CEP128: variants seen among roughly 807,000 people sequenced by gnomAD.
The protein encoded by CEP128 is centrosomal protein 128.
In CEP128, 132 loss-of-function variants were observed where a neutral mutation model predicts 156.7. The observed-to-expected ratio is 0.84, with a 90% CI of 0.73 to 0.97. The LOEUF (loss-of-function observed/expected upper bound fraction) is 0.97. CEP128 is among the 50% of genes least tolerant of loss of function. CEP128 has a pLI of 0.00. For missense variants in CEP128, 1,252 were observed against 1,281.9 expected, an observed-to-expected ratio of 0.98 and a Z score of 0.36; for synonymous variants, 469 against 448.9, an observed-to-expected ratio of 1.04 and a Z score of -0.57.
At chr14:80,507,569 T>C (rs909944154) in intron 23 of CEP128, among the ~76,000 whole-genome samples, 1 of 152,182 alleles carries the variant, frequency 6.6e-6, no homozygotes, top group Admixed American at 6.5e-5. Flanking sequence ...ATATAAATCA[T>C]GGTTTTGAAA....
intron 2 of CEP128, among the ~76,000 whole-genome samples, chr14:80,923,494 G>C (rs1447121026): frequency 6.6e-6 from 1 of 152,190 alleles, no homozygotes; most frequent in Non-Finnish European, 1.5e-5. Flanking sequence ...CTCTGAGCCA[G>C]TTTAAAACAA....
chr14:80,841,427 T>G (rs1352712608), intron 9 of CEP128, among the ~76,000 whole-genome samples: 1 of 152,018 alleles, frequency 6.6e-6, no homozygotes, highest in East Asian at 1.9e-4. Context: ...CAATTTCAGC[T>G]CCCTCTGCCA....
At chr14:80,840,576 A>G in intron 10 of CEP128, 106 bp downstream of exon 10, 3 of 665,982 alleles carry the variant, frequency 4.5e-6, no homozygotes, top group Non-Finnish European at 7.9e-6. Flanking sequence ...AAGATAAAGA[A>G]CTCACAATGT....
intron 6 of CEP128, 37 bp from the exon 7 acceptor site, chr14:80,900,066 C>T (rs764218238): frequency 2.3e-6 from 3 of 1,329,670 alleles, no homozygotes; most frequent in East Asian, 4.6e-5. Flanking sequence ...ATTTAGAATT[C>T]TGTTGAATTC....
chr14:80,919,863 A>G (rs1884759575), intron 2 of CEP128, among the ~76,000 whole-genome samples: 1 of 152,188 alleles, frequency 6.6e-6, no homozygotes, highest in Non-Finnish European at 1.5e-5. Context: ...CTTCAGCTAT[A>G]AAGTTAAGTT....
chr14:80,495,407 A>G (rs1887459060), downstream of CEP128, among the ~76,000 whole-genome samples: 2 of 152,202 alleles, frequency 1.3e-5, no homozygotes, highest in South Asian at 4.1e-4. Flanking sequence ...GAATTTTGAC[A>G]AAATTGTTGT....
chr14:80,838,113 T>TC, intron 11 of CEP128, 91 bp downstream of exon 11: 3 of 882,362 alleles, frequency 3.4e-6, no homozygotes, highest in Non-Finnish European at 5.4e-6. Context: ...TAGACCTAGT[T>TC]CTTTTTTTTC....
intron 4 of CEP128, among the ~76,000 whole-genome samples, chr14:80,908,122 T>A (rs1040315039): frequency 1.3e-5 from 2 of 152,244 alleles, no homozygotes; most frequent in African/African-American, 2.4e-5. Flanking sequence ...ATTTTCTCTT[T>A]ACTTTTGTCA....
intron 2 of CEP128, among the ~76,000 whole-genome samples, chr14:80,932,780 A>G (rs1006030153): frequency 6.6e-6 from 1 of 152,140 alleles, no homozygotes; most frequent in Admixed American, 6.5e-5. Flanking sequence ...GAATCATCCC[A>G]AAACCATCCT....
chr14:80,902,928 A>C (rs1595568636), intron 6 of CEP128, among the ~76,000 whole-genome samples: 1 of 152,292 alleles, frequency 6.6e-6, no homozygotes, highest in Non-Finnish European at 1.5e-5. Flanking sequence ...GCAATATATA[A>C]TCCTCCATAA....
intron 19 of CEP128, among the ~76,000 whole-genome samples, chr14:80,686,435 A>G (rs1215583575): frequency 6.6e-6 from 1 of 152,146 alleles, no homozygotes; most frequent in Admixed American, 6.6e-5. Flanking sequence ...AGCACTAAAT[A>G]TGGAAAGGAA....
intron 19 of CEP128, among the ~76,000 whole-genome samples, chr14:80,719,057 G>C (rs1396423255): frequency 6.6e-6 from 1 of 152,136 alleles, no homozygotes; most frequent in Non-Finnish European, 1.5e-5. Context: ...CCGGCAGATG[G>C]CAATGAAAGT....
rs757449096 is a variant in CEP128 at position 80,914,366 on chromosome 14, G to T, written c.190C>A (p.Arg64=). 2 of 1,613,840 alleles carry T rather than the reference G, an allele frequency of 1.2e-6. No homozygotes were observed. Among genetic ancestry groups the T allele is most frequent in the Non-Finnish European group, 1.7e-6 (2 of 1,179,836 alleles). ...TGTCCATTACTGTATTCTCGGTATC[G>T]TCCAAGCATCTGGTCCACTTGTCGC... ...NLRQVDQMLG[R]YREYSNGQAG... The change falls in exon 4 of 25, where the codon CGA becomes AGA. Residue 64 remains arginine, a synonymous_variant. Transcript: ENST00000555265.
At chr14:80,492,334 T>C (rs1228806361), downstream of CEP128, among the ~76,000 whole-genome samples, 1 of 152,186 alleles carries the variant, frequency 6.6e-6, no homozygotes. Flanking sequence ...ACCTGGTTAA[T>C]AGACCAGGTC....
chr14:80,596,842 A>AAGGGG (rs1555379468), intron 19 of CEP128, among the ~76,000 whole-genome samples: 1 of 69,832 alleles, frequency 1.4e-5, no homozygotes, highest in Non-Finnish European at 2.9e-5. Context: ...AAAAAAAAAA[A>AAGGGG]GGTGGGGGGG....
chr14:80,637,383 C>T (rs1224656481), intron 19 of CEP128, among the ~76,000 whole-genome samples: 2 of 151,904 alleles, frequency 1.3e-5, no homozygotes, highest in Non-Finnish European at 2.9e-5. Context: ...AGCAGAAGAG[C>T]CAGAGAAGGA....
At chr14:80,951,439 C>A (rs1886462589) in intron 2 of CEP128, among the ~76,000 whole-genome samples, 1 of 152,034 alleles carries the variant, frequency 6.6e-6, no homozygotes, top group African/African-American at 2.4e-5. Flanking sequence ...GGTATAATAT[C>A]AACTGAATGT....
At chr14:80,924,703 C>T (rs573340772) in intron 2 of CEP128, among the ~76,000 whole-genome samples, 1 of 151,360 alleles carries the variant, frequency 6.6e-6, no homozygotes, top group Non-Finnish European at 1.5e-5. Context: ...GTTCTGCCCT[C>T]GTCTGATTTT....
intron 21 of CEP128, among the ~76,000 whole-genome samples, chr14:80,532,666 G>C (rs1889283141): frequency 6.6e-6 from 1 of 152,268 alleles, no homozygotes; most frequent in Non-Finnish European, 1.5e-5. Context: ...GAATTCTGCA[G>C]GGTGAATGAT....
Sources: allele counts gnomAD v4.1 joint callset (sites outside exome capture counted in the v4.1 genomes callset), GRCh38; gene constraint gnomAD v4.1.1; transcripts MANE v1.5; gene names NCBI Gene and HGNC (gene_info 2026-07-23, HGNC 2026-07-21).